PARM1: variants seen among roughly 807,000 people sequenced by gnomAD.
PARM1 encodes the protein prostate androgen-regulated mucin-like protein 1.
PARM1 carries 14 observed loss-of-function variants against 24.6 expected under a neutral mutation model. The observed-to-expected ratio is 0.57, with a 90% CI of 0.38 to 0.89. The LOEUF is 0.89. Among genes scored for constraint, PARM1 ranks in the 40% least tolerant of loss-of-function variants. PARM1 has a pLI of 0.00. For synonymous variants in PARM1, 179 were observed against 156.6 expected, an observed-to-expected ratio of 1.14 and a Z score of -1.07; for missense variants, 362 against 380.4, an observed-to-expected ratio of 0.95 and a Z score of 0.40.
At chr4:75,025,791 A>G (rs1236565188) in intron 2 of PARM1, among the ~76,000 whole-genome samples, 2 of 152,246 alleles carry the variant, frequency 1.3e-5, no homozygotes, top group African/African-American at 2.4e-5. Context: ...ATCCTTTTAG[A>G]TAAAAGTGAA....
chr4:74,972,015 T>A, intron 1 of PARM1, among the ~76,000 whole-genome samples: 1 of 152,210 alleles, frequency 6.6e-6, no homozygotes, highest in East Asian at 1.9e-4. Context: ...CTCCTTGAAG[T>A]TACTGGTAGT....
intron 2 of PARM1, 53 bp from the exon 3 acceptor site, chr4:75,033,830 T>C (rs1337664349): frequency 6.9e-7 from 1 of 1,458,466 alleles, no homozygotes; most frequent in African/African-American, 1.4e-5. Flanking sequence ...CAAAGTCACA[T>C]GATGCCCCGT....
intron 3 of PARM1, among the ~76,000 whole-genome samples, chr4:75,039,911 A>G (rs1314406549): frequency 1.3e-5 from 2 of 152,186 alleles, no homozygotes; most frequent in Admixed American, 1.3e-4. Flanking sequence ...CAAGTCGTCC[A>G]GCTCAAGAGA....
At chr4:75,021,689 T>C (rs2033055) in intron 2 of PARM1, among the ~76,000 whole-genome samples, 10,137 of 152,178 alleles carry the variant, frequency 0.067, 1,145 homozygotes, top group African/African-American at 0.23. Flanking sequence ...TTTACCTTCC[T>C]CCTAAGTCAG....
At chr4:74,968,409 A>G (rs1003801702) in intron 1 of PARM1, among the ~76,000 whole-genome samples, 8 of 152,206 alleles carry the variant, frequency 5.3e-5, no homozygotes, top group Non-Finnish European at 8.8e-5. Flanking sequence ...TTTAAGCATT[A>G]TTGTTTATAA....
rs185859230 is a variant in PARM1 at position 75,029,262 on chromosome 4, C to T, written c.770-4621C>T. On this transcript the variant is annotated intron_variant, in intron 2 of 3. Transcript: ENST00000307428. Reference sequence around the variant, plus strand: ...TGTAGAGCAGTGGAGTAGTGGCCGACAAGGCTGACCAGGAGTTTACTCTGG... The same window carrying T: ...TGTAGAGCAGTGGAGTAGTGGCCGATAAGGCTGACCAGGAGTTTACTCTGG... 3.0e-3 allele frequency among the ~76,000 whole-genome samples: 457 copies of T among 152,272 alleles called. 6 individuals carry two copies. Among genetic ancestry groups the T allele is most frequent in the African/African-American group, 0.01 (429 of 41,548 alleles).
chr4:74,945,678 C>T (rs115325397), intron 1 of PARM1, among the ~76,000 whole-genome samples: 1,811 of 152,298 alleles, frequency 0.012, 30 homozygotes, highest in African/African-American at 0.041. Flanking sequence ...TAGATCTCCT[C>T]TCTTTGTCAC....
intron 1 of PARM1, among the ~76,000 whole-genome samples, chr4:74,944,092 G>A (rs192665199): frequency 7.6e-4 from 116 of 152,320 alleles, no homozygotes; most frequent in African/African-American, 2.7e-3. Context: ...ACCTCTTGAT[G>A]TGGCTGGTGT....
chr4:75,017,761 G>A (rs1723014720), intron 2 of PARM1, among the ~76,000 whole-genome samples: 1 of 152,184 alleles, frequency 6.6e-6, no homozygotes, highest in South Asian at 2.1e-4. Flanking sequence ...CCCTAGAACA[G>A]AGCCCAACAC....
intron 1 of PARM1, 56 bp downstream of exon 1, chr4:74,933,426 G>C: frequency 1.3e-6 from 2 of 1,509,006 alleles, no homozygotes; most frequent in South Asian, 1.1e-5. Flanking sequence ...CCAGTAGCTA[G>C]CGCGTGGTCG....
chr4:75,040,737 T>C (rs1420367998), intron 3 of PARM1, among the ~76,000 whole-genome samples: 1 of 152,220 alleles, frequency 6.6e-6, no homozygotes, highest in Non-Finnish European at 1.5e-5. Context: ...TTGCAGCTTT[T>C]CTCTAAATCT....
At chr4:74,942,028 C>T (rs1194111761) in intron 1 of PARM1, among the ~76,000 whole-genome samples, 1 of 152,220 alleles carries the variant, frequency 6.6e-6, no homozygotes, top group African/African-American at 2.4e-5. Context: ...TCTGTGCTCT[C>T]AGTTTCCTTC....
chr4:74,936,419 A>G (rs1721184185), intron 1 of PARM1, among the ~76,000 whole-genome samples: 1 of 144,370 alleles, frequency 6.9e-6, no homozygotes, highest in Non-Finnish European at 1.5e-5. Flanking sequence ...TCTTGCCACC[A>G]TGGTTGTTAC....
chr4:75,012,225 G>A lies in PARM1; in HGVS notation c.44-200G>A, dbSNP rs147032647. On this transcript the variant is annotated intron_variant, in intron 1 of 3. Coordinates refer to ENST00000307428, the MANE Select transcript of PARM1 (RefSeq NM_015393.4). ...TAATTGTTCTTACTGAGTTTCGGGC[G>A]AGTTCCTACTGAGATTTGTAGAGAA... Among the ~76,000 whole-genome samples, 296 of 152,232 alleles carry A rather than the reference G, an allele frequency of 1.9e-3. 3 individuals carry two copies. Among genetic ancestry groups the A allele is most frequent in the East Asian group, 6.4e-3 (33 of 5,186 alleles).
intron 1 of PARM1, among the ~76,000 whole-genome samples, chr4:74,988,810 A>T (rs1278501359): frequency 6.6e-6 from 1 of 152,232 alleles, no homozygotes; most frequent in Non-Finnish European, 1.5e-5. Context: ...AGATTTAAAC[A>T]GGCAAAATGG....
intron 1 of PARM1, among the ~76,000 whole-genome samples, chr4:74,995,622 T>G (rs1420285606): frequency 6.6e-6 from 1 of 152,118 alleles, no homozygotes; most frequent in Non-Finnish European, 1.5e-5. Context: ...ATTCATTCAC[T>G]CTGTATGGGT....
chr4:75,042,125 C>T (rs1216561668), intron 3 of PARM1, among the ~76,000 whole-genome samples: 1 of 152,112 alleles, frequency 6.6e-6, no homozygotes, highest in African/African-American at 2.4e-5. Flanking sequence ...TGGTATTAGC[C>T]AAACCCCATA....
intron 1 of PARM1, among the ~76,000 whole-genome samples, chr4:74,975,841 C>G (rs1226071944): frequency 6.6e-6 from 1 of 152,124 alleles, no homozygotes; most frequent in Non-Finnish European, 1.5e-5. Flanking sequence ...CTGTCAGTGG[C>G]TCTCATGGAG....
intron 2 of PARM1, among the ~76,000 whole-genome samples, chr4:75,023,968 C>T (rs1036991977): frequency 2.6e-5 from 4 of 152,162 alleles, no homozygotes; most frequent in Non-Finnish European, 5.9e-5. Flanking sequence ...TTGGTAAACA[C>T]AGTATTCAAA....
Sources: gnomAD v4.1 joint callset for allele counts (sites outside exome capture counted in the v4.1 genomes callset) on GRCh38, gnomAD v4.1.1 for gene constraint, MANE v1.5 for transcripts, NCBI Gene and HGNC (gene_info 2026-07-23, HGNC 2026-07-21) for gene names.